C12orf42: variants seen among roughly 807,000 people sequenced by gnomAD.
C12orf42 encodes uncharacterized protein C12orf42.
C12orf42 carries 25 observed loss-of-function variants against 21.6 expected under a neutral mutation model. That is an observed-to-expected ratio of 1.16 (90% confidence interval 0.84 to 1.62). The LOEUF is 1.62. Among genes scored for constraint, C12orf42 ranks in the 40% most tolerant of loss-of-function variants. The pLI is 0.00. For synonymous variants in C12orf42, 174 were observed against 175.0 expected (o/e 0.99, Z 0.05); for missense variants, 483 against 459.3 (o/e 1.05, Z -0.47).
At chr12:103,273,689 G>C in intron 5 of C12orf42, 1 of 378,242 alleles carries the variant, frequency 2.6e-6, no homozygotes, top group South Asian at 2.0e-5. Context: ...TATGGATATA[G>C]TACAATTAAA....
the C12orf42 span, among the ~76,000 whole-genome samples, chr12:103,062,826 C>T: frequency 8.6e-5 from 13 of 152,044 alleles, no homozygotes; most frequent in African/African-American, 1.4e-4. Context: ...AATTTTTTTA[C>T]AAATATCACT....
intron 3 of C12orf42, among the ~76,000 whole-genome samples, chr12:103,370,147 C>T (rs1489878580): frequency 6.6e-6 from 1 of 152,130 alleles, no homozygotes; most frequent in East Asian, 1.9e-4. Flanking sequence ...CATCACTAAT[C>T]ATTAGAGAAA....
At chr12:103,281,964 A>AAAGAAAGAAAGAAAAC (rs71097973) in intron 4 of C12orf42, among the ~76,000 whole-genome samples, 1 of 150,446 alleles carries the variant, frequency 6.6e-6, no homozygotes, top group African/African-American at 2.5e-5. Context: ...AGAAAGAAAG[A>AAAGAAAGAAAGAAAAC]GATCGATCCT....
At chr12:103,339,963 A>C (rs1231749083) in intron 4 of C12orf42, among the ~76,000 whole-genome samples, 1 of 152,242 alleles carries the variant, frequency 6.6e-6, no homozygotes, top group Middle Eastern at 3.2e-3. Flanking sequence ...GCTACAAAAA[A>C]AATTAGCGTG....
At chr12:103,062,927 G>A in the C12orf42 span, among the ~76,000 whole-genome samples, 140 of 151,640 alleles carry the variant, frequency 9.2e-4, no homozygotes, top group Admixed American at 4.5e-3. Flanking sequence ...TTTTTATGCC[G>A]TTGGCTGCTT....
At chr12:103,435,190 C>G (rs922722838) in intron 2 of C12orf42, among the ~76,000 whole-genome samples, 1 of 152,204 alleles carries the variant, frequency 6.6e-6, no homozygotes, top group African/African-American at 2.4e-5. Context: ...AGCTGAGGGT[C>G]CTGTCTGTTA....
At chr12:103,287,680 A>T (rs951091744) in intron 4 of C12orf42, among the ~76,000 whole-genome samples, 1 of 151,836 alleles carries the variant, frequency 6.6e-6, no homozygotes, top group African/African-American at 2.4e-5. Context: ...CGTTGTGCAC[A>T]TGTACCCTAA....
At chr12:103,231,418 A>G in the C12orf42 span, among the ~76,000 whole-genome samples, 1 of 152,184 alleles carries the variant, frequency 6.6e-6, no homozygotes, top group Non-Finnish European at 1.5e-5. Flanking sequence ...GTAACATACA[A>G]AGTAGTTTGA....
At chr12:103,469,141 G>C (rs369417262) in intron 2 of C12orf42, among the ~76,000 whole-genome samples, 1 of 152,146 alleles carries the variant, frequency 6.6e-6, no homozygotes, top group African/African-American at 2.4e-5. Context: ...AGTATGGGAC[G>C]TCCAATTGGT....
At chr12:103,135,223 C>T in the C12orf42 span, among the ~76,000 whole-genome samples, 109 of 152,108 alleles carry the variant, frequency 7.2e-4, no homozygotes, top group South Asian at 0.015. Context: ...TGAAGATAGA[C>T]GCAGGTGGAT....
intron 3 of C12orf42, among the ~76,000 whole-genome samples, chr12:103,399,134 T>C (rs1236072625): frequency 6.6e-6 from 1 of 151,818 alleles, no homozygotes; most frequent in Non-Finnish European, 1.5e-5. Flanking sequence ...ATAGTTTTAG[T>C]TTTAATAATT....
At chr12:103,350,518 A>C (rs182534710) in intron 4 of C12orf42, among the ~76,000 whole-genome samples, 1 of 152,200 alleles carries the variant, frequency 6.6e-6, no homozygotes, top group Non-Finnish European at 1.5e-5. Context: ...TATTAGTTAT[A>C]GTTAATCTCT....
upstream of C12orf42, among the ~76,000 whole-genome samples, chr12:103,498,587 T>C (rs1175593694): frequency 6.6e-6 from 1 of 152,140 alleles, no homozygotes; most frequent in East Asian, 1.9e-4. Context: ...TGATCTCACT[T>C]ATGTATGGAA....
chr12:103,170,601 G>A, the C12orf42 span, among the ~76,000 whole-genome samples: 1 of 150,888 alleles, frequency 6.6e-6, no homozygotes, highest in East Asian at 1.9e-4. Flanking sequence ...GCCAAATCCT[G>A]CCATTTTCCA....
the C12orf42 span, among the ~76,000 whole-genome samples, chr12:103,116,319 A>T: frequency 6.6e-6 from 1 of 150,882 alleles, no homozygotes; most frequent in African/African-American, 2.4e-5. Context: ...AGCTGAGATC[A>T]CGCCATTGCA....
At chr12:103,080,779 C>T in the C12orf42 span, among the ~76,000 whole-genome samples, 28 of 152,250 alleles carry the variant, frequency 1.8e-4, 1 homozygote, top group African/African-American at 6.7e-4. Flanking sequence ...TTTTATACTG[C>T]TGGCTTTGTG....
At chr12:103,421,882 A>AT (rs2049946380) in intron 2 of C12orf42, among the ~76,000 whole-genome samples, 1 of 152,208 alleles carries the variant, frequency 6.6e-6, no homozygotes, top group South Asian at 2.1e-4. Flanking sequence ...TTTCAATCCT[A>AT]TTCGCCTGTC....
chr12:103,058,201 C>T, the C12orf42 span, among the ~76,000 whole-genome samples: 4 of 152,028 alleles, frequency 2.6e-5, no homozygotes, highest in Admixed American at 6.6e-5. Context: ...GTGATCCACC[C>T]GCCTTGGCCT....
the C12orf42 span, among the ~76,000 whole-genome samples, chr12:103,048,465 A>G: frequency 5.3e-5 from 8 of 152,174 alleles, no homozygotes; most frequent in Non-Finnish European, 8.8e-5. Context: ...TGCACATATT[A>G]TAATTACACG....
Sources: gnomAD v4.1 joint callset for allele counts (sites outside exome capture counted in the v4.1 genomes callset) on GRCh38, gnomAD v4.1.1 for gene constraint, MANE v1.5 for transcripts, NCBI Gene and HGNC (gene_info 2026-07-23, HGNC 2026-07-21) for gene names.